VLDLR: variants seen among roughly 807,000 people sequenced by gnomAD.
The protein encoded by VLDLR is very low-density lipoprotein receptor.
Under a neutral mutation model 112.7 loss-of-function variants are expected in VLDLR, and 81 were observed. The ratio of observed to expected loss-of-function variants is 0.72; its 90% CI spans 0.60 to 0.86. VLDLR has a LOEUF of 0.86. Ranked by LOEUF, VLDLR falls within the 40% of genes least tolerant of loss-of-function variation. VLDLR has a pLI of 0.00. For synonymous variants in VLDLR, 436 were observed against 384.8 expected (o/e 1.13, Z -1.56); for missense variants, 1,237 against 1,099.4 (o/e 1.13, Z -1.77).
rs754648994 is a variant in VLDLR, at chr9:2,648,332, A to G, written c.1947A>G (p.Ala649=). The change falls in exon 13 of 19, where the codon GCA becomes GCG. Residue 649 remains alanine, a synonymous_variant. Transcript: ENST00000382100. ...KSLEFLAHPL[A]LTIFEDRVYW... ...TGGAGTTCCTAGCTCATCCTCTTGCACTAACAATATTTGAGGTAAGATGTG... is the reference window on the plus strand; with the variant it reads ...TGGAGTTCCTAGCTCATCCTCTTGCGCTAACAATATTTGAGGTAAGATGTG... The G allele has an allele frequency of 1.2e-6, 2 of 1,614,184 alleles. No individual in the cohort carries two copies. The highest frequency in any genetic ancestry group is 1.7e-5 in the Admixed American group (1 of 60,030).
rs1818004670 is a variant in VLDLR at position 2,644,976 on chromosome 9, TC to T, written c.1208del (p.Pro403GlnfsTer11). 1 of 1,614,074 alleles carries T rather than the reference TC, an allele frequency of 6.2e-7. No homozygotes were observed. The highest frequency in any genetic ancestry group is 8.5e-7 in the Non-Finnish European group (1 of 1,180,046). On this transcript the variant is annotated frameshift_variant, in exon 9 of 19. Coordinates refer to ENST00000382100, the MANE Select transcript of VLDLR (RefSeq NM_003383.5). LOFTEE classifies it high-confidence loss of function. ...TCGDIDECQN[P>X]GICSQICINL... ...TCCCAGATATTGATGAATGCCAAAA[TC>T]CAGGAATCTGCAGTCAAATTTGTAT...
chr9:2,641,905 A>C (rs780999000), intron 4 of VLDLR, among the ~76,000 whole-genome samples: 6 of 151,892 alleles, frequency 4.0e-5, no homozygotes, highest in Non-Finnish European at 7.4e-5. Flanking sequence ...ATTGGAATAA[A>C]TTATTTGAGT....
At chr9:2,627,267 T>G (rs1449602572) in intron 1 of VLDLR, among the ~76,000 whole-genome samples, 1 of 152,220 alleles carries the variant, frequency 6.6e-6, no homozygotes, top group Non-Finnish European at 1.5e-5. Context: ...TCCCTAAAAT[T>G]ACCAAGAACT....
rs760346390 is a variant in VLDLR at position 2,645,564 on chromosome 9, C to G, written c.1313-10C>G. 3 of 1,614,094 alleles carry G rather than the reference C, an allele frequency of 1.9e-6. No homozygotes were observed. The highest frequency in any genetic ancestry group is 2.5e-6 in the Non-Finnish European group (3 of 1,180,036). Reference sequence around the variant, plus strand: ...AGCAAAACTAAGTAACCCAGACTTCCATCTTGCAGGCAAAGAGCCAAGTCT... The same window carrying G: ...AGCAAAACTAAGTAACCCAGACTTCGATCTTGCAGGCAAAGAGCCAAGTCT... On this transcript the variant is annotated splice_polypyrimidine_tract_variant and intron_variant, in intron 9 of 18. Transcript: ENST00000382100.
Position 2,645,735 on chromosome 9 carries a change from G to C in VLDLR, c.1474G>C (p.Ala492Pro). The C allele has an allele frequency of 6.2e-7, 1 of 1,614,136 alleles. No individual in the cohort carries two copies. Among genetic ancestry groups the C allele is most frequent in the Non-Finnish European group, 8.5e-7 (1 of 1,180,022 alleles). ...KLFWADLSQKAIFSASIDDKV... is the reference protein window; with the variant it reads ...KLFWADLSQKPIFSASIDDKV... ...ATTCTGGGCCGATCTAAGCCAAAAG[G>C]CTATCTTCAGGTAACTTTCAGTTCC... Residue 492 changes from alanine (A) to proline (P), a missense_variant, in exon 10 of 19, where the codon GCT becomes CCT. By Grantham distance (27) the Ala-to-Pro change is conservative. Transcript: ENST00000382100.
At position 2,648,596 on chromosome 9, in the gene VLDLR, A is replaced by T. The variant is rs914742890; in HGVS notation, c.1963-73A>T. 25 of 1,605,962 alleles carry T rather than the reference A, an allele frequency of 1.6e-5. No individual in the cohort carries two copies. In the African/African-American group the frequency reaches 3.1e-4, roughly 20 times the overall value. ...AAACTTAGTCCATTAAATGAGAAGTAAATGATGATGACCTTAGAAATGGAC... is the reference window on the plus strand; with the variant it reads ...AAACTTAGTCCATTAAATGAGAAGTTAATGATGATGACCTTAGAAATGGAC... On this transcript the variant is annotated intron_variant, in intron 13 of 18. Transcript: ENST00000382100.
chr9:2,639,880 C>A lies in VLDLR; in HGVS notation c.224C>A (p.Ser75Tyr), dbSNP rs1467142425. ...KNCVKKTCAE[S>Y]DFVCNNGQCV... Reference sequence around the variant, plus strand: ...GTAGTAAAGAAGACGTGTGCTGAATCTGACTTCGTGTGCAACAATGGCCAG... The same window carrying A: ...GTAGTAAAGAAGACGTGTGCTGAATATGACTTCGTGTGCAACAATGGCCAG... Residue 75 changes from serine (S) to tyrosine (Y), a missense_variant, in exon 3 of 19, where the codon TCT (serine) becomes TAT (tyrosine). Physicochemically the swap from Ser to Tyr is moderately radical, Grantham distance 144 (BLOSUM62 -2). Transcript: ENST00000382100. 26 of 1,613,998 alleles carry A rather than the reference C, an allele frequency of 1.6e-5. No individual in the cohort carries two copies. Among genetic ancestry groups the A allele is most frequent in the Non-Finnish European group, 2.2e-5 (26 of 1,180,028 alleles).
chr9:2,645,744 A>G lies in VLDLR; in HGVS notation c.1483A>G (p.Ser495Gly), dbSNP rs1818042423. 6.2e-7 allele frequency: 1 copy of G among 1,614,190 alleles called. No homozygotes were observed. Among genetic ancestry groups the G allele is most frequent in the East Asian group, 2.2e-5 (1 of 44,878 alleles). ...WADLSQKAIF[S>G]ASIDDKVGRH... ...CGATCTAAGCCAAAAGGCTATCTTC[A>G]GGTAACTTTCAGTTCCTTTTGTGGT... is the stretch of plus-strand genomic sequence containing the variant. Residue 495 changes from serine to glycine, a missense_variant and splice_region_variant, in exon 10 of 19, where the codon AGT (serine) becomes GGT (glycine). Transcript: ENST00000382100.
At chr9:2,644,930 C>A (rs767232415) in intron 8 of VLDLR, 27 bp from the exon 9 acceptor site, 1 of 1,614,018 alleles carries the variant, frequency 6.2e-7, no homozygotes, top group South Asian at 1.1e-5. Flanking sequence ...ATAGGAGCAG[C>A]AAGACTAATT....
At position 2,647,755 on chromosome 9, in the gene VLDLR, G is replaced by T; in HGVS notation, c.1822+163G>T. On this transcript the variant is annotated intron_variant, in intron 12 of 18. Coordinates refer to ENST00000382100, the MANE Select transcript of VLDLR (RefSeq NM_003383.5). Reference sequence around the variant, plus strand: ...ACTGAACAACACAAGTAAAATGGTGGATTAACAAATTACACATTCCATAAT... The same window carrying T: ...ACTGAACAACACAAGTAAAATGGTGTATTAACAAATTACACATTCCATAAT... 4.1e-6 allele frequency: 3 copies of T among 725,962 alleles called. No individual in the cohort carries two copies. In the South Asian group the frequency reaches 4.5e-5, roughly 11 times the overall value. 45.0% of individuals were successfully genotyped at this position (725,962 alleles called of 1,614,324 possible). A position where few individuals can be genotyped will look rare whatever the true frequency, so the allele number is the denominator to read the frequency against.
chr9:2,640,238 A>G lies in VLDLR; in HGVS notation c.325+257A>G, dbSNP rs542918155. On this transcript the variant is annotated intron_variant, in intron 3 of 18. Coordinates refer to ENST00000382100, the MANE Select transcript of VLDLR (RefSeq NM_003383.5). ...CTTAAAACTGAAGTCAGCAGATTCA[A>G]TCAAGAACTCCTTGACTAGGTGCAT... 3.9e-5 allele frequency among the ~76,000 whole-genome samples: 6 copies of G among 152,330 alleles called. No homozygotes were observed. The East Asian group carries it at 9.6e-4, about 24-fold the overall frequency.
intron 1 of VLDLR, among the ~76,000 whole-genome samples, chr9:2,623,731 T>C (rs1190294332): frequency 6.6e-6 from 1 of 152,130 alleles, no homozygotes; most frequent in African/African-American, 2.4e-5. Flanking sequence ...CAATGGAAAG[T>C]AGGAGACTCC....
In VLDLR at chr9:2,658,056, G is replaced by A. The variant is rs899754396; in HGVS notation, c.*4188G>A. 6.6e-6 allele frequency: 1 copy of A among 152,190 alleles called. No homozygotes were observed. Among genetic ancestry groups the A allele is most frequent in the Non-Finnish European group, 1.5e-5 (1 of 68,040 alleles). 9.4% of individuals were successfully genotyped at this position (152,190 alleles called of 1,614,324 possible). The stretch of plus-strand genomic sequence containing the variant: ...AATATGGAGGGAATGAATCTGAAGA[G>A]GGAACAATGGCGTTTTTCGAACTTA... On this transcript the variant is annotated 3_prime_UTR_variant, in exon 19 of 19. Coordinates refer to ENST00000382100, the MANE Select transcript of VLDLR (RefSeq NM_003383.5).
In VLDLR at chr9:2,643,540, C is replaced by T. The variant is rs749651130; in HGVS notation, c.820+9C>T. 8.1e-6 allele frequency: 13 copies of T among 1,614,080 alleles called. No homozygotes were observed. In the South Asian group the frequency reaches 9.9e-5, roughly 12 times the overall value. On this transcript the variant is annotated intron_variant, in intron 5 of 18. Coordinates refer to ENST00000382100, the MANE Select transcript of VLDLR (RefSeq NM_003383.5). ...TGATGAGGTCAACTGTCGTAAGTAG[C>T]TTTCTAGCATGGCATGTTCAGTTCT... is the stretch of plus-strand genomic sequence containing the variant.
intron 1 of VLDLR, among the ~76,000 whole-genome samples, chr9:2,630,624 T>C (rs1462222603): frequency 1.3e-5 from 2 of 152,220 alleles, no homozygotes; most frequent in Admixed American, 6.5e-5. Flanking sequence ...GAAGGCTTGG[T>C]ATTTACTCGA....
rs1354276077 is a variant in VLDLR at position 2,646,447 on chromosome 9, C to T, written c.1598C>T (p.Ala533Val). The change falls in exon 11 of 19, where the codon GCT becomes GTT. Residue 533 changes from alanine (A) to valine (V), a missense_variant. Physicochemically the swap from Ala to Val is moderately conservative, Grantham distance 64 (BLOSUM62 0). Coordinates refer to ENST00000382100, the MANE Select transcript of VLDLR (RefSeq NM_003383.5). ...VYKTIYWTDA[A>V]SKTISVATLD... Reference sequence around the variant, plus strand: ...AAGACCATCTACTGGACTGATGCGGCTTCTAAGACTATTTCAGTAGCTACC... The same window carrying T: ...AAGACCATCTACTGGACTGATGCGGTTTCTAAGACTATTTCAGTAGCTACC... 1 of 1,614,000 alleles carries T rather than the reference C, an allele frequency of 6.2e-7. No individual in the cohort carries two copies. Among genetic ancestry groups the T allele is most frequent in the Admixed American group, 1.7e-5 (1 of 59,994 alleles).
intron 1 of VLDLR, among the ~76,000 whole-genome samples, chr9:2,624,232 G>A (rs1162330426): frequency 6.6e-6 from 1 of 152,208 alleles, no homozygotes; most frequent in Admixed American, 6.5e-5. Flanking sequence ...CTTCAAAGGA[G>A]AGGAAGCAGA....
rs748909519 is a variant in VLDLR at position 2,641,748 on chromosome 9, TTATATA to T, written c.448+252_448+257del. On this transcript the variant is annotated intron_variant, in intron 4 of 18. Transcript: ENST00000382100. ...TAAGAAGGTAAGTCATTCAAGGCAC[TTATATA>T]TAGAAGTAGCTCAGGGAAGCAGCAA... is the stretch of plus-strand genomic sequence containing the variant. 2.9e-4 allele frequency among the ~76,000 whole-genome samples: 44 copies of T among 152,188 alleles called. 1 individual carries two copies. Among genetic ancestry groups the T allele is most frequent in the Non-Finnish European group, 5.9e-4 (40 of 68,032 alleles).
Position 2,643,623 on chromosome 9 carries a change from T to C in VLDLR, c.821-5T>C. On this transcript the variant is annotated splice_region_variant and splice_polypyrimidine_tract_variant and intron_variant, in intron 5 of 18. Transcript: ENST00000382100. Reference sequence around the variant, plus strand: ...TTCATTCCATGGTGTTTCCTCCCTTTGTAGCCTCTCGAACTTGCCGACCTG... The same window carrying C: ...TTCATTCCATGGTGTTTCCTCCCTTCGTAGCCTCTCGAACTTGCCGACCTG... 1 of 1,614,218 alleles carries C rather than the reference T, an allele frequency of 6.2e-7. No individual in the cohort carries two copies. Among genetic ancestry groups the C allele is most frequent in the African/African-American group, 1.3e-5 (1 of 75,052 alleles).
Sources: allele counts gnomAD v4.1 joint callset (sites outside exome capture counted in the v4.1 genomes callset), GRCh38; gene constraint gnomAD v4.1.1; transcripts MANE v1.5; gene names NCBI Gene and HGNC (gene_info 2026-07-23, HGNC 2026-07-21).